Variants in TCF4 observed in about 807,000 individuals in gnomAD.
TCF4 encodes transcription factor 4.
A neutral mutation model predicts 82.1 loss-of-function variants in TCF4; 3 were observed. The ratio of observed to expected loss-of-function variants is 0.04; its 90% confidence interval spans 0.02 to 0.09. TCF4 has a LOEUF of 0.09. Ranked by LOEUF, TCF4 falls within the 10% of genes least tolerant of loss-of-function variation. The pLI, the probability that TCF4 is intolerant of heterozygous loss-of-function variation, is 1.00. For synonymous variants in TCF4, 276 were observed against 309.6 expected, an observed-to-expected ratio of 0.89 and a Z score of 1.14; for missense variants, 518 against 852.7, an observed-to-expected ratio of 0.61 and a Z score of 4.89.
intron 3 of TCF4, among the ~76,000 whole-genome samples, chr18:55,526,364 G>A (rs1416968022): frequency 6.6e-6 from 1 of 152,134 alleles, no homozygotes; most frequent in Non-Finnish European, 1.5e-5. Flanking sequence ...GCCTTATCTG[G>A]AAATACTCTT....
chr18:55,322,816 G>C (rs1006197886), intron 8 of TCF4, among the ~76,000 whole-genome samples: 1 of 152,192 alleles, frequency 6.6e-6, no homozygotes, highest in Non-Finnish European at 1.5e-5. Context: ...CAAGTTTATT[G>C]GTACCTTCGA....
intron 8 of TCF4, among the ~76,000 whole-genome samples, chr18:55,324,334 C>A (rs569907320): frequency 6.6e-6 from 1 of 152,168 alleles, no homozygotes; most frequent in Non-Finnish European, 1.5e-5. Context: ...GTTTGCTGAC[C>A]TTGGAGTACA....
At chr18:55,257,862 G>A (rs528147229) in intron 13 of TCF4, among the ~76,000 whole-genome samples, 5 of 152,124 alleles carry the variant, frequency 3.3e-5, no homozygotes, top group Non-Finnish European at 7.4e-5. Context: ...AAGGGAATAA[G>A]ATTAGTTATC....
Position 55,466,019 on chromosome 18 carries a change from G to A in TCF4, c.146-1882C>T, listed in dbSNP as rs1419502396. The stretch of plus-strand genomic sequence containing the variant: ...AAACATGAAAAGTAGGCAGAGACTT[G>A]GAGGAAAGAGGACGCTACTGCCAGG... On this transcript the variant is annotated intron_variant, in intron 3 of 19. Coordinates refer to ENST00000354452, the MANE Select transcript of TCF4 (RefSeq NM_001083962.2). Among the ~76,000 whole-genome samples the A allele has an allele frequency of 2.6e-5, 4 of 152,142 alleles. No individual in the cohort carries two copies. The East Asian group carries it at 7.7e-4, about 29-fold the overall frequency.
In TCF4 at chr18:55,227,778, G is replaced by A. The variant is rs749287059; in HGVS notation, c.*257C>T. Reference sequence around the variant, plus strand: ...GGCTGTGTCTCAGCCTGTACATACTGCTTTGCACATTCTGAATGATATGTT... The same window carrying A: ...GGCTGTGTCTCAGCCTGTACATACTACTTTGCACATTCTGAATGATATGTT... On this transcript the variant is annotated 3_prime_UTR_variant, in exon 20 of 20. Coordinates refer to ENST00000354452, the MANE Select transcript of TCF4 (RefSeq NM_001083962.2). 3.2e-5 allele frequency: 7 copies of A among 221,854 alleles called. No homozygotes were observed. The highest frequency in any genetic ancestry group is 5.3e-5 in the Admixed American group (1 of 18,842). 13.7% of individuals were successfully genotyped at this position (221,854 alleles called of 1,614,324 possible). A position where few individuals can be genotyped will look rare whatever the true frequency, so the allele number is the denominator to read the frequency against.
intron 8 of TCF4, among the ~76,000 whole-genome samples, chr18:55,292,696 A>ATGTGTGTGTG (rs35399017): frequency 8.6e-5 from 13 of 151,182 alleles, no homozygotes; most frequent in African/African-American, 3.1e-4. Flanking sequence ...ATAGACATGA[A>ATGTGTGTGTG]TGTGTGTGTG....
At chr18:55,438,668 CAG>C (rs1457800586) in intron 5 of TCF4, among the ~76,000 whole-genome samples, 3 of 152,092 alleles carry the variant, frequency 2.0e-5, no homozygotes, top group African/African-American at 7.2e-5. Flanking sequence ...TTAATTTTAC[CAG>C]AAGACTTTTG....
chr18:55,599,406 A>C (rs2097694356), intron 2 of TCF4, among the ~76,000 whole-genome samples: 1 of 152,178 alleles, frequency 6.6e-6, no homozygotes, highest in Non-Finnish European at 1.5e-5. Flanking sequence ...TATTATACTT[A>C]ACACAAAAAC....
chr18:55,554,035 T>C (rs1458890300), intron 3 of TCF4, among the ~76,000 whole-genome samples: 4 of 152,196 alleles, frequency 2.6e-5, no homozygotes, highest in Admixed American at 6.5e-5. Context: ...GATAAAATTA[T>C]CTAAAACAAA....
chr18:55,544,966 G>A (rs2097193594), intron 3 of TCF4, among the ~76,000 whole-genome samples: 1 of 152,224 alleles, frequency 6.6e-6, no homozygotes, highest in African/African-American at 2.4e-5. Flanking sequence ...ATCATGCACA[G>A]CCAGGTGTTA....
At chr18:55,423,483 T>G (rs768024765) in intron 5 of TCF4, 2 of 151,934 alleles carry the variant, frequency 1.3e-5, no homozygotes, top group Non-Finnish European at 2.9e-5. Flanking sequence ...AACCGTACTT[T>G]CCTACTACAT....
chr18:55,533,670 A>ACAAT (rs2097090427), intron 3 of TCF4, among the ~76,000 whole-genome samples: 2 of 152,232 alleles, frequency 1.3e-5, no homozygotes, highest in Non-Finnish European at 2.9e-5. Context: ...TTTCCATGTA[A>ACAAT]CAATGTCTAG....
intron 15 of TCF4, among the ~76,000 whole-genome samples, chr18:55,248,899 C>T (rs1808176883): frequency 6.6e-6 from 1 of 152,172 alleles, no homozygotes. Context: ...TGTGCACCAC[C>T]ATGCCCGGCT....
chr18:55,265,492 T>C (rs371441008), intron 11 of TCF4: 1 of 152,186 alleles, frequency 6.6e-6, no homozygotes, highest in African/African-American at 2.4e-5. Flanking sequence ...TTGGGCTTCC[T>C]GATCGTGCAC....
intron 3 of TCF4, among the ~76,000 whole-genome samples, chr18:55,552,096 C>T (rs557889751): frequency 6.6e-5 from 10 of 152,286 alleles, no homozygotes; most frequent in African/African-American, 2.4e-4. Context: ...CAAAGCAATC[C>T]TCTATTTAGC....
intron 3 of TCF4, among the ~76,000 whole-genome samples, chr18:55,530,885 A>C (rs550624538): frequency 1.3e-5 from 2 of 152,124 alleles, no homozygotes; most frequent in Non-Finnish European, 2.9e-5. Context: ...ACTCTGGTAC[A>C]CCTTTCTGAA....
At chr18:55,259,826 T>C (rs781080565) in intron 13 of TCF4, 123 bp downstream of exon 13, 7 of 826,656 alleles carry the variant, frequency 8.5e-6, no homozygotes, top group Non-Finnish European at 1.5e-5. Context: ...TTGTCTGTTA[T>C]AGGAATGTTA....
At chr18:55,635,371 T>C (rs929726563) in intron 1 of TCF4, among the ~76,000 whole-genome samples, 39 of 151,728 alleles carry the variant, frequency 2.6e-4, no homozygotes, top group African/African-American at 9.2e-4. Flanking sequence ...TAGCCGGGCA[T>C]TGTGGTGCAT....
At chr18:55,312,062 C>A (rs2072644625) in intron 8 of TCF4, among the ~76,000 whole-genome samples, 1 of 152,166 alleles carries the variant, frequency 6.6e-6, no homozygotes, top group Non-Finnish European at 1.5e-5. Context: ...ATTGGCAATG[C>A]ATCTGTGAAG....
Sources: gnomAD v4.1 joint callset for allele counts (sites outside exome capture counted in the v4.1 genomes callset) on GRCh38, gnomAD v4.1.1 for gene constraint, MANE v1.5 for transcripts, NCBI Gene and HGNC (gene_info 2026-07-23, HGNC 2026-07-21) for gene names.